Variants in PAM observed in about 807,000 individuals in gnomAD.
The protein encoded by PAM is peptidylglycine alpha-amidating monooxygenase.
A neutral mutation model predicts 122.1 loss-of-function variants in PAM; 72 were observed. The observed-to-expected ratio is 0.59, with a 90% CI of 0.49 to 0.72. The LOEUF (loss-of-function observed/expected upper bound fraction) is 0.72. PAM is among the 30% of genes least tolerant of loss of function. The probability of loss-of-function intolerance (pLI) is 0.00; values close to 1 mark genes in which losing one functional copy is unlikely to be tolerated. For synonymous variants in PAM, 389 were observed against 404.4 expected (o/e 0.96, Z 0.46); for missense variants, 1,106 against 1,183.7 (o/e 0.93, Z 0.96).
chr5:102,787,732 A>G (rs1367422329), intron 1 of PAM, among the ~76,000 whole-genome samples: 2 of 151,980 alleles, frequency 1.3e-5, no homozygotes, highest in Admixed American at 1.3e-4. Flanking sequence ...TCCCTTGGTG[A>G]GTGAATGGAA....
At chr5:102,855,195 A>G (rs944226456) in intron 1 of PAM, among the ~76,000 whole-genome samples, 2 of 152,136 alleles carry the variant, frequency 1.3e-5, no homozygotes, top group African/African-American at 4.8e-5. Flanking sequence ...AACCCAATTG[A>G]GCAGAATTAT....
chr5:103,029,996 G>C (rs1476954318), downstream of PAM: 2 of 152,120 alleles, frequency 1.3e-5, no homozygotes, highest in Admixed American at 6.5e-5. Context: ...GGTAATCACA[G>C]CTAAGTGGAT....
At chr5:102,825,105 CAT>C (rs1773194798) in intron 1 of PAM, among the ~76,000 whole-genome samples, 3 of 152,176 alleles carry the variant, frequency 2.0e-5, no homozygotes, top group Non-Finnish European at 2.9e-5. Context: ...TGACCTGTAA[CAT>C]TTCAGCCTCT....
chr5:103,028,799 C>T (rs902221301), intron 25 of PAM, 88 bp from the exon 26 acceptor site: 2 of 855,452 alleles, frequency 2.3e-6, no homozygotes, highest in Non-Finnish European at 3.7e-6. Context: ...CCCATCCCCA[C>T]CTTCTGACTT....
chr5:102,923,102 C>G (rs1217492869), intron 5 of PAM, among the ~76,000 whole-genome samples: 1 of 152,216 alleles, frequency 6.6e-6, no homozygotes, highest in Non-Finnish European at 1.5e-5. Flanking sequence ...TTTATAGAAG[C>G]AAGATCACTT....
chr5:102,939,491 T>A (rs1447354094), intron 7 of PAM, among the ~76,000 whole-genome samples: 1 of 152,132 alleles, frequency 6.6e-6, no homozygotes, highest in Non-Finnish European at 1.5e-5. Flanking sequence ...TGACGTTTTG[T>A]CTTATAGTAT....
Position 102,830,273 on chromosome 5 carries a change from C to G in PAM, c.-373-35550C>G, listed in dbSNP as rs559550111. ...AATTGTTTTTTTTCTTTGTCTTTCA[C>G]AGCAGGACGATTGAAGTCATTAAGG... is the stretch of plus-strand genomic sequence containing the variant. On this transcript the variant is annotated intron_variant, in intron 1 of 25. Transcript: ENST00000438793. Among the ~76,000 whole-genome samples, 6 of 152,248 alleles carry G rather than the reference C, an allele frequency of 3.9e-5. No homozygotes were observed. In the South Asian group the frequency reaches 1.0e-3, roughly 26 times the overall value.
At chr5:102,913,767 A>C (rs1474693849) in intron 4 of PAM, among the ~76,000 whole-genome samples, 167 bp from the exon 5 acceptor site, 1 of 152,146 alleles carries the variant, frequency 6.6e-6, no homozygotes, top group East Asian at 1.9e-4. Flanking sequence ...TTATCAAGTC[A>C]TGCTTATCCT....
intron 1 of PAM, among the ~76,000 whole-genome samples, chr5:102,854,896 T>A (rs1782226270): frequency 6.6e-6 from 1 of 152,216 alleles, no homozygotes; most frequent in Non-Finnish European, 1.5e-5. Context: ...TTGGGGACAC[T>A]GATCAAAGAA....
chr5:103,006,576 C>T (rs936000442), intron 18 of PAM, among the ~76,000 whole-genome samples: 1 of 152,116 alleles, frequency 6.6e-6, no homozygotes. Flanking sequence ...AACCGCGTGA[C>T]CTTGAGCAAA....
chr5:102,758,103 T>TTTTTTTTTG (rs1751150165), intron 1 of PAM, among the ~76,000 whole-genome samples: 2 of 108,330 alleles, frequency 1.8e-5, no homozygotes, highest in Non-Finnish European at 3.7e-5. Flanking sequence ...TTTTTTTTTT[T>TTTTTTTTTG]TTTTTCTTGG....
chr5:102,917,166 T>C (rs1745728334), intron 5 of PAM, among the ~76,000 whole-genome samples: 1 of 152,182 alleles, frequency 6.6e-6, no homozygotes, highest in Admixed American at 6.5e-5. Context: ...CACAGAAACA[T>C]CTTTCACTCC....
chr5:102,991,988 T>A (rs140595708), intron 16 of PAM, among the ~76,000 whole-genome samples: 2 of 152,232 alleles, frequency 1.3e-5, no homozygotes, highest in African/African-American at 4.8e-5. Context: ...AAAGGCCAAT[T>A]TTTCATTTTA....
At chr5:102,795,550 A>G (rs1011711775) in intron 1 of PAM, among the ~76,000 whole-genome samples, 5 of 152,198 alleles carry the variant, frequency 3.3e-5, no homozygotes, top group Non-Finnish European at 7.3e-5. Context: ...TTCCTTGTTT[A>G]TTAACTAAAT....
chr5:102,963,901 T>G (rs1460232792), intron 14 of PAM, among the ~76,000 whole-genome samples: 1 of 150,352 alleles, frequency 6.7e-6, no homozygotes, highest in Non-Finnish European at 1.5e-5. Context: ...ATATATTTAC[T>G]TCCTATCTTA....
At chr5:102,788,631 CT>C (rs1761225371) in intron 1 of PAM, among the ~76,000 whole-genome samples, 1 of 151,894 alleles carries the variant, frequency 6.6e-6, no homozygotes, top group Admixed American at 6.6e-5. Flanking sequence ...TAGTGGAATC[CT>C]TTTTTGACAC....
At chr5:102,926,538 T>G (rs774504522) in intron 6 of PAM, 47 bp from the exon 7 acceptor site, 2 of 1,048,972 alleles carry the variant, frequency 1.9e-6, no homozygotes, top group South Asian at 2.5e-5. Context: ...ATTAACTCCA[T>G]TTTAGATGCT....
At chr5:102,904,924 G>GTA (rs1274635745) in intron 4 of PAM, among the ~76,000 whole-genome samples, 4 of 151,496 alleles carry the variant, frequency 2.6e-5, no homozygotes, top group African/African-American at 4.8e-5. Context: ...ACTCATATGT[G>GTA]TATATGCCTG....
At chr5:102,809,044 G>T (rs1190975119) in intron 1 of PAM, among the ~76,000 whole-genome samples, 1 of 152,178 alleles carries the variant, frequency 6.6e-6, no homozygotes, top group Non-Finnish European at 1.5e-5. Flanking sequence ...TGCTGTTTCA[G>T]TTTTTCTCTG....
Sources: gnomAD v4.1 joint callset for allele counts (sites outside exome capture counted in the v4.1 genomes callset) on GRCh38, gnomAD v4.1.1 for gene constraint, MANE v1.5 for transcripts, NCBI Gene and HGNC (gene_info 2026-07-23, HGNC 2026-07-21) for gene names.